Variants in SLC24A2 observed in about 807,000 individuals in gnomAD.
SLC24A2 encodes the protein sodium/potassium/calcium exchanger 2.
A neutral mutation model predicts 62.0 loss-of-function variants in SLC24A2; 36 were observed. The observed-to-expected ratio is 0.58, with a 90% CI of 0.44 to 0.77. The LOEUF is 0.77. SLC24A2 is among the 30% of genes least tolerant of loss of function. SLC24A2 has a pLI of 0.00. For synonymous variants in SLC24A2, 358 were observed against 294.0 expected, an observed-to-expected ratio of 1.22 and a Z score of -2.23; for missense variants, 846 against 817.9, an observed-to-expected ratio of 1.03 and a Z score of -0.42.
At chr9:19,606,565 AAGG>A (rs1836989655) in intron 4 of SLC24A2, among the ~76,000 whole-genome samples, 1 of 152,208 alleles carries the variant, frequency 6.6e-6, no homozygotes, top group South Asian at 2.1e-4. Flanking sequence ...GGGGCCTGTA[AAGG>A]AGAACATTCC....
At chr9:19,956,295 C>T in the SLC24A2 span, among the ~76,000 whole-genome samples, 1 of 152,188 alleles carries the variant, frequency 6.6e-6, no homozygotes, top group African/African-American at 2.4e-5. Flanking sequence ...TGTTAATGCT[C>T]ACAATGATAG....
Position 19,515,151 on chromosome 9 carries a change from T to C in SLC24A2, c.*1002A>G, listed in dbSNP as rs557787428. ...GATAATGGGACATGCGCTGGAAAAA[T>C]ACAGGTTCAGTTTATATAGTCTTGC... is the stretch of plus-strand genomic sequence containing the variant. On this transcript the variant is annotated 3_prime_UTR_variant, in exon 11 of 11. Transcript: ENST00000341998. The C allele has an allele frequency of 2.6e-5, 4 of 152,158 alleles. No homozygotes were observed. The South Asian group carries it at 8.3e-4, about 32-fold the overall frequency. The allele number at this position is 152,158 out of a possible 1,614,324, so 9.4% of individuals were successfully genotyped here. A position where few individuals can be genotyped will look rare whatever the true frequency, so the allele number is the denominator to read the frequency against.
the SLC24A2 span, among the ~76,000 whole-genome samples, chr9:20,123,915 T>C: frequency 1.3e-5 from 2 of 152,174 alleles, no homozygotes; most frequent in African/African-American, 2.4e-5. Context: ...ATGCAAAGTA[T>C]AGTGCTCACT....
chr9:19,716,867 C>G (rs1483531644), intron 2 of SLC24A2, among the ~76,000 whole-genome samples: 3 of 152,184 alleles, frequency 2.0e-5, no homozygotes, highest in Non-Finnish European at 4.4e-5. Context: ...ATCAATGGCA[C>G]TACTATAATC....
At chr9:19,625,710 G>C (rs1818017002) in intron 2 of SLC24A2, among the ~76,000 whole-genome samples, 1 of 147,850 alleles carries the variant, frequency 6.8e-6, no homozygotes, top group Admixed American at 6.8e-5. Flanking sequence ...TTTTGAGATG[G>C]GGTTTCACTC....
the SLC24A2 span, among the ~76,000 whole-genome samples, chr9:20,071,450 C>G: frequency 1.3e-5 from 2 of 152,104 alleles, no homozygotes; most frequent in African/African-American, 2.4e-5. Flanking sequence ...ACTTTGAGCT[C>G]GGGATGGAGG....
rs564175253 is a variant in SLC24A2 at position 19,541,848 on chromosome 9, A to C, written c.1479+8289T>G. On this transcript the variant is annotated intron_variant, in intron 8 of 10. Transcript: ENST00000341998. Reference sequence around the variant, plus strand: ...TTTGATCTCAGACTGCTGTGCTAGCAATCAGCGAGATTCCGTGGGCGTAGG... The same window carrying C: ...TTTGATCTCAGACTGCTGTGCTAGCCATCAGCGAGATTCCGTGGGCGTAGG... Among the ~76,000 whole-genome samples the C allele has an allele frequency of 6.6e-5, 10 of 151,556 alleles. No individual in the cohort carries two copies. The East Asian group carries it at 1.4e-3, about 21-fold the overall frequency.
At chr9:19,763,202 T>G (rs1317600932) in intron 2 of SLC24A2, among the ~76,000 whole-genome samples, 1 of 152,218 alleles carries the variant, frequency 6.6e-6, no homozygotes, top group East Asian at 1.9e-4. Context: ...TTTATCAGCT[T>G]AAGGAGTTTT....
intron 2 of SLC24A2, among the ~76,000 whole-genome samples, chr9:19,678,747 C>T (rs1819628495): frequency 6.6e-6 from 1 of 152,140 alleles, no homozygotes; most frequent in Non-Finnish European, 1.5e-5. Flanking sequence ...TCACTCAAAG[C>T]TCCTCTACAA....
chr9:20,072,559 T>A, the SLC24A2 span, among the ~76,000 whole-genome samples: 1,676 of 152,216 alleles, frequency 0.011, 27 homozygotes, highest in African/African-American at 0.038. Flanking sequence ...CATATAATCA[T>A]AATATCACAT....
At chr9:19,611,300 T>C (rs1172827275) in intron 4 of SLC24A2, among the ~76,000 whole-genome samples, 1 of 132,742 alleles carries the variant, frequency 7.5e-6, no homozygotes, top group Non-Finnish European at 1.6e-5. Flanking sequence ...GGTAGAGAAA[T>C]GAGGAGACAG....
At chr9:19,552,914 T>C (rs1834915793) in intron 7 of SLC24A2, among the ~76,000 whole-genome samples, 1 of 152,182 alleles carries the variant, frequency 6.6e-6, no homozygotes, top group Non-Finnish European at 1.5e-5. Context: ...CAATTAACTA[T>C]ATTGAACAGC....
chr9:20,048,168 A>T, the SLC24A2 span, among the ~76,000 whole-genome samples: 1 of 152,246 alleles, frequency 6.6e-6, no homozygotes, highest in Non-Finnish European at 1.5e-5. Flanking sequence ...GTTTAAATAC[A>T]GTCCCCTTAG....
chr9:19,845,157 T>A, the SLC24A2 span, among the ~76,000 whole-genome samples: 5 of 152,140 alleles, frequency 3.3e-5, no homozygotes, highest in African/African-American at 1.2e-4. Context: ...CATGGAACGT[T>A]TTTCCATTTG....
At chr9:20,116,575 C>T in the SLC24A2 span, among the ~76,000 whole-genome samples, 1 of 152,124 alleles carries the variant, frequency 6.6e-6, no homozygotes, top group East Asian at 1.9e-4. Flanking sequence ...CCATACTGTG[C>T]CGTCTTTTCA....
chr9:19,598,330 T>C (rs923614636), intron 4 of SLC24A2, among the ~76,000 whole-genome samples: 2 of 152,208 alleles, frequency 1.3e-5, no homozygotes, highest in African/African-American at 4.8e-5. Context: ...CTGGGAATCC[T>C]CATATGAATA....
chr9:20,244,624 A>T, the SLC24A2 span, among the ~76,000 whole-genome samples: 5 of 152,236 alleles, frequency 3.3e-5, no homozygotes, highest in African/African-American at 1.2e-4. Context: ...AGTTTGGTAG[A>T]TGCATGTGCT....
intron 2 of SLC24A2, among the ~76,000 whole-genome samples, chr9:19,771,751 T>TA (rs1333194027): frequency 6.6e-6 from 1 of 152,230 alleles, no homozygotes; most frequent in Non-Finnish European, 1.5e-5. Context: ...ATGTGCACAT[T>TA]AATCAGCTTT....
At chr9:19,678,034 T>C (rs1039386243) in intron 2 of SLC24A2, among the ~76,000 whole-genome samples, 2 of 152,174 alleles carry the variant, frequency 1.3e-5, no homozygotes, top group Non-Finnish European at 2.9e-5. Flanking sequence ...CTTATCTCTG[T>C]CGCAGTAGCT....
Sources: allele counts gnomAD v4.1 joint callset (sites outside exome capture counted in the v4.1 genomes callset), GRCh38; gene constraint gnomAD v4.1.1; transcripts MANE v1.5; gene names NCBI Gene and HGNC (gene_info 2026-07-23, HGNC 2026-07-21).